Variants in SOX13 observed in about 807,000 individuals in gnomAD.
SOX13 encodes the protein SRY-box transcription factor 13.
Under a neutral mutation model 71.8 loss-of-function variants are expected in SOX13, and 28 were observed. The ratio of observed to expected loss-of-function variants is 0.39; its 90% CI spans 0.29 to 0.53. The LOEUF (loss-of-function observed/expected upper bound fraction) is 0.53. SOX13 is among the 20% of genes least tolerant of loss of function. The probability of loss-of-function intolerance (pLI) is 0.70; values close to 1 mark genes in which losing one functional copy is unlikely to be tolerated. For synonymous variants in SOX13, 309 were observed against 317.8 expected (o/e 0.97, Z 0.29); for missense variants, 627 against 810.3 (o/e 0.77, Z 2.75).
chr1:204,120,909 G>A (rs1354235924), intron 7 of SOX13, among the ~76,000 whole-genome samples: 1 of 151,910 alleles, frequency 6.6e-6, no homozygotes, highest in Non-Finnish European at 1.5e-5. Flanking sequence ...TCCTGATGCT[G>A]CCATTTCATA....
At chr1:204,094,458 A>C (rs1252092074) in intron 1 of SOX13, among the ~76,000 whole-genome samples, 2 of 152,170 alleles carry the variant, frequency 1.3e-5, no homozygotes, top group Non-Finnish European at 2.9e-5. Context: ...TGAGCTGGGC[A>C]CCTTCAGTGA....
At chr1:204,087,651 C>G (rs1656053217) in intron 1 of SOX13, among the ~76,000 whole-genome samples, 1 of 152,212 alleles carries the variant, frequency 6.6e-6, no homozygotes, top group Non-Finnish European at 1.5e-5. Flanking sequence ...TGGGAAGGAG[C>G]ATTTTGAGTT....
At position 204,123,677 on chromosome 1, in the gene SOX13, C is replaced by G; in HGVS notation, c.1248C>G (p.Pro416=). 1 of 1,613,930 alleles carries G rather than the reference C, an allele frequency of 6.2e-7. No individual in the cohort carries two copies. The highest frequency in any genetic ancestry group is 8.5e-7 in the Non-Finnish European group (1 of 1,179,938). ...SCDMDGSRHF[P]ESRNSSHIKR... ...GTCTCCCAGGCTCCCGCCACTTCCC[C>G]GAGTCCCGAAACAGCAGCCACATCA... Residue 416 remains proline (P), a synonymous_variant, in exon 12 of 14, where the codon CCC becomes CCG. Coordinates refer to ENST00000367204, the MANE Select transcript of SOX13 (RefSeq NM_005686.3). The surrounding 1 kb of genome is among the most constrained non-coding windows in gnomAD (Gnocchi z 5.0).
intron 1 of SOX13, among the ~76,000 whole-genome samples, chr1:204,086,927 CT>C (rs34401152): frequency 0.88 from 125,928 of 142,752 alleles, 55,581 homozygotes; most frequent in Middle Eastern, 0.95. Context: ...TTTCTCCTTC[CT>C]TTTTTTTTTT....
intron 1 of SOX13, among the ~76,000 whole-genome samples, chr1:204,088,452 A>C (rs1348818270): frequency 6.6e-6 from 1 of 152,230 alleles, no homozygotes; most frequent in African/African-American, 2.4e-5. Context: ...GTCCATATTT[A>C]CATGGCATTT....
At chr1:204,103,268 G>A (rs1571579995) in intron 1 of SOX13, among the ~76,000 whole-genome samples, 1 of 152,356 alleles carries the variant, frequency 6.6e-6, no homozygotes, top group Middle Eastern at 3.4e-3. Flanking sequence ...ACTCAAGTCA[G>A]AAACAACTGC....
At chr1:204,078,972 C>T (rs1655839466) in intron 1 of SOX13, among the ~76,000 whole-genome samples, 10 of 152,136 alleles carry the variant, frequency 6.6e-5, no homozygotes, top group Admixed American at 6.5e-4. Context: ...GCTTAAAGCC[C>T]CATGGTGATG....
rs1051935192 is a variant in SOX13, at chr1:204,123,988, G to C, written c.1375+184G>C. 3.3e-5 allele frequency among the ~76,000 whole-genome samples: 5 copies of C among 152,190 alleles called. No homozygotes were observed. The highest frequency in any genetic ancestry group is 7.3e-5 in the Non-Finnish European group (5 of 68,038). On this transcript the variant is annotated intron_variant, in intron 12 of 13. Coordinates refer to ENST00000367204, the MANE Select transcript of SOX13 (RefSeq NM_005686.3). The surrounding 1 kb of genome is among the most constrained non-coding windows in gnomAD (Gnocchi z 5.0). ...GGTCCTGGGGTCTTATATCACTGAA[G>C]TGTTCGGTAGCACCTGTCCTCAAGA...
At chr1:204,091,340 T>A (rs930714725) in intron 1 of SOX13, among the ~76,000 whole-genome samples, 3 of 152,196 alleles carry the variant, frequency 2.0e-5, no homozygotes, top group African/African-American at 7.2e-5. Flanking sequence ...ATATCCAGCA[T>A]GTGCAGTTTC....
chr1:204,113,031 G>T lies in SOX13; in HGVS notation c.116G>T (p.Gly39Val), dbSNP rs776829141. 6.2e-7 allele frequency: 1 copy of T among 1,611,876 alleles called. No homozygotes were observed. The highest frequency in any genetic ancestry group is 8.5e-7 in the Non-Finnish European group (1 of 1,179,404). The change falls in exon 2 of 14, where the codon GGC becomes GTC. Residue 39 changes from glycine (G) to valine (V), a missense_variant. Transcript: ENST00000367204. ...KKEPCHEAPQ[G>V]SATAAEPQPG... is the part of the protein sequence containing the mutation. ...GAGCCTTGCCACGAGGCCCCCCAGG[G>T]CTCAGCCACTGCCGCTGAACCTCAG...
Position 204,126,228 on chromosome 1 carries a change from T to G in SOX13, c.*94T>G. 7.3e-7 allele frequency: 1 copy of G among 1,368,890 alleles called. No individual in the cohort carries two copies. The highest frequency in any genetic ancestry group is 1.0e-6 in the Non-Finnish European group (1 of 993,002). 84.8% of individuals were successfully genotyped at this position (1,368,890 alleles called of 1,614,324 possible). Reference sequence around the variant, plus strand: ...AGCCAACCTAAGACTATGTTGGTACTTGGACTTGTTCGTGCCCCAGAGATG... The same window carrying G: ...AGCCAACCTAAGACTATGTTGGTACGTGGACTTGTTCGTGCCCCAGAGATG... On this transcript the variant is annotated 3_prime_UTR_variant, in exon 14 of 14. Transcript: ENST00000367204.
intron 1 of SOX13, among the ~76,000 whole-genome samples, chr1:204,094,629 C>G (rs1412370443): frequency 6.6e-6 from 1 of 152,146 alleles, no homozygotes; most frequent in East Asian, 1.9e-4. Context: ...ATGCCGGTGG[C>G]TTTTTCAGTC....
rs573797392 is a variant in SOX13 at position 204,108,586 on chromosome 1, G to C, written c.-1-4329G>C. Among the ~76,000 whole-genome samples, 424 of 152,336 alleles carry C rather than the reference G, an allele frequency of 2.8e-3. 3 individuals carry two copies. The highest frequency in any genetic ancestry group is 9.9e-3 in the African/African-American group (411 of 41,580). On this transcript the variant is annotated intron_variant, in intron 1 of 13. Coordinates refer to ENST00000367204, the MANE Select transcript of SOX13 (RefSeq NM_005686.3). ...GGCTGCAGCAGGAAGGCTTTGAGGTGGGAGCTGGAGGCCCCTGAAGTTGGG... is the reference window on the plus strand; with the variant it reads ...GGCTGCAGCAGGAAGGCTTTGAGGTCGGAGCTGGAGGCCCCTGAAGTTGGG...
At position 204,122,265 on chromosome 1, in the gene SOX13, C is replaced by G; in HGVS notation, c.890C>G (p.Ala297Gly). 3 of 1,591,332 alleles carry G rather than the reference C, an allele frequency of 1.9e-6. No homozygotes were observed. Among genetic ancestry groups the G allele is most frequent in the Non-Finnish European group, 2.6e-6 (3 of 1,169,388 alleles). Reference sequence around the variant, plus strand: ...CCCTCCCAGCCCCTGAACCTCACAGCCAAGCCCAAGGCCCCCGAGCTGCCC... The same window carrying G: ...CCCTCCCAGCCCCTGAACCTCACAGGCAAGCCCAAGGCCCCCGAGCTGCCC... ...QEPSQPLNLT[A>G]KPKAPELPNT... Residue 297 changes from alanine (A) to glycine (G), a missense_variant, in exon 9 of 14, where the codon GCC (alanine) becomes GGC (glycine). Ala to Gly is a moderately conservative substitution (Grantham distance 60, BLOSUM62 0). This residue lies in a region of SOX13 where 447 missense variants were observed against 532.2 expected (regional missense o/e 0.84). Transcript: ENST00000367204.
chr1:204,078,256 A>T (rs1014700359), intron 1 of SOX13: 1 of 152,168 alleles, frequency 6.6e-6, no homozygotes, highest in African/African-American at 2.4e-5. Flanking sequence ...CAAGGGATCT[A>T]GGTGTCCTTG....
At position 204,122,281 on chromosome 1, in the gene SOX13, C is replaced by T. The variant is rs760673375; in HGVS notation, c.906C>T (p.Pro302=). 8.8e-6 allele frequency: 14 copies of T among 1,588,654 alleles called. No individual in the cohort carries two copies. The highest frequency in any genetic ancestry group is 2.7e-5 in the African/African-American group (2 of 74,138). ...ACCTCACAGCCAAGCCCAAGGCCCC[C>T]GAGCTGCCCAACACCTCCAGCTCCC... The part of the protein sequence containing the change: ...PLNLTAKPKA[P]ELPNTSSSPS... Residue 302 remains proline (P), a synonymous_variant, in exon 9 of 14, where the codon CCC becomes CCT. Coordinates refer to ENST00000367204, the MANE Select transcript of SOX13 (RefSeq NM_005686.3).
At position 204,122,122 on chromosome 1, in the gene SOX13, C is replaced by T. The variant is rs1656820295; in HGVS notation, c.862-115C>T. The T allele has an allele frequency of 2.7e-6, 3 of 1,104,000 alleles. No homozygotes were observed. In the South Asian group the frequency reaches 4.6e-5, roughly 17 times the overall value. The allele number at this position is 1,104,000 out of a possible 1,614,324, so 68.4% of individuals were successfully genotyped here. A position where few individuals can be genotyped will look rare whatever the true frequency, so the allele number is the denominator to read the frequency against. ...TGTTCACCCGCTCCTTCTGCGTCCA[C>T]TTTTCTGTCTGTCTCCTTGTGTGTT... On this transcript the variant is annotated intron_variant, in intron 8 of 13. Transcript: ENST00000367204.
chr1:204,075,042 C>A (rs1655756331), intron 1 of SOX13, among the ~76,000 whole-genome samples: 1 of 152,210 alleles, frequency 6.6e-6, no homozygotes, highest in African/African-American at 2.4e-5. Context: ...TCTCAGCAGT[C>A]CAAGTAGGTG....
At position 204,123,546 on chromosome 1, in the gene SOX13, TG is replaced by T; in HGVS notation, c.1232-112del. 8.7e-7 allele frequency: 1 copy of T among 1,144,708 alleles called. No homozygotes were observed. Among genetic ancestry groups the T allele is most frequent in the Non-Finnish European group, 1.2e-6 (1 of 818,510 alleles). The allele number at this position is 1,144,708 out of a possible 1,614,324, so 70.9% of individuals were successfully genotyped here. A position where few individuals can be genotyped will look rare whatever the true frequency, so the allele number is the denominator to read the frequency against. On this transcript the variant is annotated intron_variant, in intron 11 of 13. Coordinates refer to ENST00000367204, the MANE Select transcript of SOX13 (RefSeq NM_005686.3). This position sits in a 1 kb window ranked among gnomAD's most constrained non-coding sequence, Gnocchi z 5.0. ...CTTGCTCCTCCTCGGCTGGCTGCTG[TG>T]GGAGCCTCCTCAGTGCCTCCTGCTG... is the stretch of plus-strand genomic sequence containing the variant.
Sources: allele counts gnomAD v4.1 joint callset (sites outside exome capture counted in the v4.1 genomes callset), GRCh38; gene constraint gnomAD v4.1.1; regional missense constraint gnomAD v4.1.1; non-coding constraint Gnocchi (gnomAD v3.1); transcripts MANE v1.5; gene names NCBI Gene and HGNC (gene_info 2026-07-23, HGNC 2026-07-21).